Variants in USP6NL observed in about 807,000 individuals in gnomAD.
USP6NL encodes the protein USP6 N-terminal-like protein.
Under a neutral mutation model 61.9 loss-of-function variants are expected in USP6NL, and 26 were observed. That is an observed-to-expected ratio of 0.42 (90% CI 0.31 to 0.58). The LOEUF is 0.58. USP6NL is among the 20% of genes least tolerant of loss of function. USP6NL has a pLI of 0.16. For synonymous variants in USP6NL, 432 were observed against 390.1 expected, an observed-to-expected ratio of 1.11 and a Z score of -1.27; for missense variants, 1,114 against 1,034.3, an observed-to-expected ratio of 1.08 and a Z score of -1.06.
chr10:11,593,164 T>G (rs950454507), intron 2 of USP6NL, among the ~76,000 whole-genome samples: 2 of 152,218 alleles, frequency 1.3e-5, no homozygotes, highest in African/African-American at 4.8e-5. Context: ...ATCACGTAAT[T>G]AGTTGCAGAG....
At position 11,463,286 on chromosome 10, in the gene USP6NL, C is replaced by T. The variant is rs1226093156; in HGVS notation, c.1642G>A (p.Ala548Thr). The T allele has an allele frequency of 6.2e-7, 1 of 1,613,852 alleles. No individual in the cohort carries two copies. Among genetic ancestry groups the T allele is most frequent in the East Asian group, 2.2e-5 (1 of 44,876 alleles). The change falls in exon 15 of 15, where the codon GCA becomes ACA. Residue 548 changes from alanine to threonine, a missense_variant. Transcript: ENST00000609104. The surrounding 1 kb of genome is among the most constrained non-coding windows in gnomAD (Gnocchi z 6.3). ...DAEDGKRGST[A>T]SQYDNVPGPE... ...CCTGGCACGTTGTCGTACTGCGATG[C>T]AGTGGAGCCCCGCTTCCCGTCCTCA... is the stretch of plus-strand genomic sequence containing the variant.
chr10:11,551,247 T>C (rs550007532), intron 2 of USP6NL, among the ~76,000 whole-genome samples: 1 of 152,320 alleles, frequency 6.6e-6, no homozygotes, highest in East Asian at 1.9e-4. Flanking sequence ...TAAGCAAATT[T>C]TGGTTAATTC....
chr10:11,601,690 G>C (rs951886998), intron 1 of USP6NL, among the ~76,000 whole-genome samples: 4 of 152,204 alleles, frequency 2.6e-5, no homozygotes, highest in Non-Finnish European at 5.9e-5. Flanking sequence ...GAGGCCAAAA[G>C]AGTTGTAGTG....
rs1040322540 is a variant in USP6NL, at chr10:11,598,875, C to A, written c.-83-1158G>T. 6.6e-6 allele frequency among the ~76,000 whole-genome samples: 1 copy of A among 152,198 alleles called. No homozygotes were observed. Among genetic ancestry groups the A allele is most frequent in the Non-Finnish European group, 1.5e-5 (1 of 68,036 alleles). ...AACAGACTGCATCAGCACTTACGTG[C>A]CCAGCATGGCCCGCACACTGTAATT... is the stretch of plus-strand genomic sequence containing the variant. On this transcript the variant is annotated intron_variant, in intron 1 of 14. Transcript: ENST00000609104. This position sits in a 1 kb window ranked among gnomAD's most constrained non-coding sequence, Gnocchi z 4.7.
At chr10:11,498,965 A>G (rs1834060098) in intron 7 of USP6NL, among the ~76,000 whole-genome samples, 1 of 152,180 alleles carries the variant, frequency 6.6e-6, no homozygotes, top group Non-Finnish European at 1.5e-5. Context: ...TTGCCACTGT[A>G]CCTATTCATC....
chr10:11,512,247 A>G (rs988450721), intron 5 of USP6NL, among the ~76,000 whole-genome samples: 2 of 152,198 alleles, frequency 1.3e-5, no homozygotes, highest in Non-Finnish European at 2.9e-5. Flanking sequence ...TATTTTCCCA[A>G]ACATGCTGCT....
Position 11,513,400 on chromosome 10 carries a change from A to C in USP6NL, c.196-3725T>G, listed in dbSNP as rs778679885. On this transcript the variant is annotated intron_variant, in intron 5 of 14. Transcript: ENST00000609104. The surrounding 1 kb of genome is among the most constrained non-coding windows in gnomAD (Gnocchi z 4.7). The stretch of plus-strand genomic sequence containing the variant: ...GTGTTGCCAAAAGGCAGAGCTGCTG[A>C]TGTTAACAGCCTATATGAAACTGAT... Among the ~76,000 whole-genome samples the C allele has an allele frequency of 6.6e-6, 1 of 152,230 alleles. No homozygotes were observed. Among genetic ancestry groups the C allele is most frequent in the South Asian group, 2.1e-4 (1 of 4,834 alleles).
At chr10:11,477,073 C>A (rs1021418294) in intron 14 of USP6NL, among the ~76,000 whole-genome samples, 10 of 152,154 alleles carry the variant, frequency 6.6e-5, no homozygotes, top group African/African-American at 2.2e-4. Flanking sequence ...GGTTTCATCA[C>A]GTTGGCCAGC....
chr10:11,490,976 A>C lies in USP6NL; in HGVS notation c.495-96T>G. 2 of 1,033,142 alleles carry C rather than the reference A, an allele frequency of 1.9e-6. No homozygotes were observed. Among genetic ancestry groups the C allele is most frequent in the Non-Finnish European group, 2.7e-6 (2 of 728,520 alleles). 64.0% of individuals were successfully genotyped at this position (1,033,142 alleles called of 1,614,324 possible). A position where few individuals can be genotyped will look rare whatever the true frequency, so the allele number is the denominator to read the frequency against. On this transcript the variant is annotated intron_variant, in intron 8 of 14. Coordinates refer to ENST00000609104, the MANE Select transcript of USP6NL (RefSeq NM_014688.5). The surrounding 1 kb of genome is among the most constrained non-coding windows in gnomAD (Gnocchi z 4.5). ...AATAAACCAAAGACTGACTGAAAAC[A>C]GATAATCCAGATAAAATTACTAATG...
intron 2 of USP6NL, among the ~76,000 whole-genome samples, chr10:11,560,572 C>T (rs1403490973): frequency 6.6e-6 from 1 of 151,434 alleles, no homozygotes; most frequent in Non-Finnish European, 1.5e-5. Context: ...AAAGAGGAAG[C>T]AACACTTTTG....
rs1315797572 is a variant in USP6NL at position 11,597,461 on chromosome 10, G to A, written c.4+170C>T. Among the ~76,000 whole-genome samples the A allele has an allele frequency of 6.6e-6, 1 of 152,212 alleles. No homozygotes were observed. Among genetic ancestry groups the A allele is most frequent in the Non-Finnish European group, 1.5e-5 (1 of 68,026 alleles). On this transcript the variant is annotated intron_variant, in intron 2 of 14. Coordinates refer to ENST00000609104, the MANE Select transcript of USP6NL (RefSeq NM_014688.5). The surrounding 1 kb of genome is among the most constrained non-coding windows in gnomAD (Gnocchi z 4.6). ...TTTAGAATAAATCAAACATCAGAAA[G>A]TATCTCCTTGTCTTAACACAGACAA...
Position 11,460,654 on chromosome 10 carries a change from T to TATATAA in USP6NL, c.*1786_*1787insTTATAT, listed in dbSNP as rs879066038. On this transcript the variant is annotated 3_prime_UTR_variant, in exon 15 of 15. Transcript: ENST00000609104. Reference sequence around the variant, plus strand: ...ATATATATATATATATATATATATATAAAAATCTACAGTATTTACCACTGT... The same window carrying TATATAA: ...ATATATATATATATATATATATATATATATAAAAAAATCTACAGTATTTACCACTGT... 8.7e-4 allele frequency: 116 copies of TATATAA among 133,542 alleles called. 1 individual carries two copies. The highest frequency in any genetic ancestry group is 2.3e-3 in the African/African-American group (75 of 32,116). The allele number at this position is 133,542 out of a possible 1,614,324, so 8.3% of individuals were successfully genotyped here. A position where few individuals can be genotyped will look rare whatever the true frequency, so the allele number is the denominator to read the frequency against.
intron 2 of USP6NL, among the ~76,000 whole-genome samples, chr10:11,559,594 A>T (rs1046099080): frequency 6.6e-6 from 1 of 152,192 alleles, no homozygotes; most frequent in African/African-American, 2.4e-5. Context: ...TCATCTAAGT[A>T]ACATTATACT....
intron 2 of USP6NL, among the ~76,000 whole-genome samples, chr10:11,544,834 T>C (rs1836215761): frequency 6.6e-6 from 1 of 152,156 alleles, no homozygotes; most frequent in Admixed American, 6.5e-5. Flanking sequence ...AACTTCACAA[T>C]GCAGCAATAA....
chr10:11,608,963 T>A (rs1268829811), intron 1 of USP6NL, among the ~76,000 whole-genome samples: 1 of 152,244 alleles, frequency 6.6e-6, no homozygotes, highest in African/African-American at 2.4e-5. Flanking sequence ...ATTCTTACAG[T>A]GACTTCCACT....
chr10:11,540,581 T>C lies in USP6NL; in HGVS notation c.5-13014A>G, dbSNP rs1320400439. On this transcript the variant is annotated intron_variant, in intron 2 of 14. Transcript: ENST00000609104. This position sits in a 1 kb window ranked among gnomAD's most constrained non-coding sequence, Gnocchi z 5.0. ...AAAAGTTTGTGTTGAATTTGGCCCA[T>C]AGGTATTAACAAGAAATGTTCTAAT... Among the ~76,000 whole-genome samples the C allele has an allele frequency of 6.6e-6, 1 of 152,192 alleles. No individual in the cohort carries two copies. Among genetic ancestry groups the C allele is most frequent in the Admixed American group, 6.5e-5 (1 of 15,276 alleles).
rs1454968816 is a variant in USP6NL, at chr10:11,483,248, C to T, written c.926-1326G>A. On this transcript the variant is annotated intron_variant, in intron 13 of 14. Coordinates refer to ENST00000609104, the MANE Select transcript of USP6NL (RefSeq NM_014688.5). The stretch of plus-strand genomic sequence containing the variant: ...CCACAGCTCATTTAGTCTAATGATA[C>T]GGTAGCATGTAAAGCAGTTGCTATG... 9.9e-5 allele frequency among the ~76,000 whole-genome samples: 15 copies of T among 151,962 alleles called. 1 individual carries two copies. The highest frequency in any genetic ancestry group is 3.1e-4 in the African/African-American group (13 of 41,422).
chr10:11,522,841 C>T lies in USP6NL; in HGVS notation c.155+2545G>A, dbSNP rs956321928. Among the ~76,000 whole-genome samples, 4 of 152,188 alleles carry T rather than the reference C, an allele frequency of 2.6e-5. No individual in the cohort carries two copies. The East Asian group carries it at 7.7e-4, about 29-fold the overall frequency. ...TTCTCTTATTTAAAATACAAGAAAG[C>T]AGCAACAGGCAGCATACTGTAGCAG... On this transcript the variant is annotated intron_variant, in intron 4 of 14. Transcript: ENST00000609104.
intron 2 of USP6NL, among the ~76,000 whole-genome samples, chr10:11,584,308 TACACATAA>T (rs1336127968): frequency 5.3e-5 from 8 of 152,212 alleles, no homozygotes; most frequent in African/African-American, 1.9e-4. Flanking sequence ...TAAGTGCACA[TACACATAA>T]AACACATAAA....
Sources: gnomAD v4.1 joint callset for allele counts (sites outside exome capture counted in the v4.1 genomes callset) on GRCh38, gnomAD v4.1.1 for gene constraint, Gnocchi (gnomAD v3.1) non-coding constraint, MANE v1.5 for transcripts, NCBI Gene and HGNC (gene_info 2026-07-23, HGNC 2026-07-21) for gene names.